Variants in DENND5A observed in about 807,000 individuals in gnomAD.
DENND5A encodes the protein DENN domain containing 5A, also known as DENN domain-containing protein 5A.
A neutral mutation model predicts 140.3 loss-of-function variants in DENND5A; 64 were observed. The observed-to-expected ratio is 0.46, with a 90% CI of 0.37 to 0.56. DENND5A has a LOEUF of 0.56. Ranked by LOEUF, DENND5A falls within the 20% of genes least tolerant of loss-of-function variation. DENND5A has a pLI of 0.00. For synonymous variants in DENND5A, 605 were observed against 607.7 expected, an observed-to-expected ratio of 1.00 and a Z score of 0.07; for missense variants, 1,292 against 1,593.8, an observed-to-expected ratio of 0.81 and a Z score of 3.22.
chr11:9,143,597 T>TG (rs1847322436), intron 19 of DENND5A, 112 bp from the exon 20 acceptor site: 3 of 879,298 alleles, frequency 3.4e-6, no homozygotes, highest in Non-Finnish European at 5.7e-6. Flanking sequence ...GCAGGGCAGC[T>TG]GGACCCTAGG....
chr11:9,148,250 G>C (rs945825808), intron 15 of DENND5A, among the ~76,000 whole-genome samples: 9 of 152,030 alleles, frequency 5.9e-5, no homozygotes, highest in African/African-American at 2.2e-4. Flanking sequence ...AGACAGGTTT[G>C]GAAACCAGTT....
At chr11:9,244,146 C>T (rs868766385) in intron 1 of DENND5A, among the ~76,000 whole-genome samples, 2 of 152,232 alleles carry the variant, frequency 1.3e-5, no homozygotes, top group East Asian at 3.9e-4. Flanking sequence ...TGTATTTGGA[C>T]ATACAGAACC....
chr11:9,179,206 A>G (rs1219990278), intron 6 of DENND5A, 133 bp from the exon 7 acceptor site: 1 of 744,672 alleles, frequency 1.3e-6, no homozygotes, highest in Admixed American at 2.9e-5. Context: ...TGAGAACAAA[A>G]GAGGAAAAAC....
chr11:9,163,073 T>C (rs1848045075), intron 11 of DENND5A, among the ~76,000 whole-genome samples: 1 of 152,148 alleles, frequency 6.6e-6, no homozygotes. Flanking sequence ...CTGTTATCCA[T>C]TTCCATTGTT....
chr11:9,246,127 C>T (rs1238921440), intron 1 of DENND5A, among the ~76,000 whole-genome samples: 1 of 152,160 alleles, frequency 6.6e-6, no homozygotes. Flanking sequence ...AGCGCCCTAG[C>T]TAGCCCTAGA....
At chr11:9,254,986 G>A (rs1206877903) in intron 1 of DENND5A, among the ~76,000 whole-genome samples, 3 of 151,974 alleles carry the variant, frequency 2.0e-5, no homozygotes, top group East Asian at 1.9e-4. Context: ...CATGAGAATC[G>A]CTTGAACCCA....
intron 22 of DENND5A, chr11:9,140,189 C>T: frequency 7.4e-7 from 1 of 1,360,376 alleles, no homozygotes; most frequent in Non-Finnish European, 9.7e-7. Flanking sequence ...AAGCACTAAC[C>T]TCACATAACA....
intron 2 of DENND5A, 61 bp downstream of exon 2, chr11:9,207,500 A>C: frequency 7.9e-7 from 1 of 1,260,814 alleles, no homozygotes; most frequent in Non-Finnish European, 1.2e-6. Flanking sequence ...ATGCCACTGG[A>C]GAGATATATG....
chr11:9,193,953 G>C lies in DENND5A; in HGVS notation c.950-272C>G, dbSNP rs1849229799. Among the ~76,000 whole-genome samples the C allele has an allele frequency of 2.6e-5, 4 of 152,088 alleles. No individual in the cohort carries two copies. The South Asian group carries it at 6.2e-4, about 24-fold the overall frequency. On this transcript the variant is annotated intron_variant, in intron 4 of 22. Transcript: ENST00000328194. ...TGGAAATACAACAAAAATAATTAAT[G>C]ACATCTTGCTCCAAATACTACCACA...
chr11:9,143,226 A>G (rs1847307822), intron 20 of DENND5A, 177 bp downstream of exon 20: 1 of 683,438 alleles, frequency 1.5e-6, no homozygotes, highest in African/African-American at 1.8e-5. Context: ...ACCTGAGGCA[A>G]AGGCCCCCAG....
intron 5 of DENND5A, among the ~76,000 whole-genome samples, chr11:9,188,088 T>C (rs981564192): frequency 2.6e-5 from 4 of 152,190 alleles, no homozygotes; most frequent in African/African-American, 9.7e-5. Flanking sequence ...TCTTAAATTC[T>C]CACGTGTTGT....
chr11:9,163,533 AG>A (rs1429631641), intron 11 of DENND5A, among the ~76,000 whole-genome samples: 2 of 152,132 alleles, frequency 1.3e-5, no homozygotes. Context: ...CCAGTTGTGC[AG>A]TGCCTCAAAC....
chr11:9,249,572 G>A (rs796325744), intron 1 of DENND5A, among the ~76,000 whole-genome samples: 14 of 152,096 alleles, frequency 9.2e-5, no homozygotes, highest in African/African-American at 3.4e-4. Context: ...TTTTGAGACA[G>A]AGTTTCGCTC....
intron 8 of DENND5A, among the ~76,000 whole-genome samples, chr11:9,173,128 G>A (rs1415251580): frequency 6.6e-6 from 1 of 151,850 alleles, no homozygotes; most frequent in Non-Finnish European, 1.5e-5. Flanking sequence ...GCCTGGCCTG[G>A]AGCAACATCT....
At chr11:9,238,908 T>C (rs935587219) in intron 1 of DENND5A, among the ~76,000 whole-genome samples, 3 of 151,702 alleles carry the variant, frequency 2.0e-5, no homozygotes, top group Non-Finnish European at 4.4e-5. Flanking sequence ...CTCGGCTCAT[T>C]GCAATTTCCG....
intron 4 of DENND5A, among the ~76,000 whole-genome samples, chr11:9,194,380 C>T (rs1849245845): frequency 6.6e-6 from 1 of 152,072 alleles, no homozygotes. Flanking sequence ...GACTGGCCAA[C>T]CAACATGGTG....
rs778155259 is a variant in DENND5A at position 9,144,161 on chromosome 11, C to T, written c.3240G>A (p.Pro1080=). ...PEVDERPCRT[P]PLQQSPSVIR... is the part of the protein sequence containing the mutation. ...TGACACTGGGGGACTGCTGCAGCGG[C>T]GGGGTCCGGCATGGCCTCTCATCCA... Residue 1080 remains proline (P), a synonymous_variant, in exon 19 of 23, where the codon CCG becomes CCA. Transcript: ENST00000328194. The T allele has an allele frequency of 1.3e-5, 21 of 1,614,004 alleles. No homozygotes were observed. Among genetic ancestry groups the T allele is most frequent in the South Asian group, 2.2e-5 (2 of 91,088 alleles).
At chr11:9,220,215 T>C (rs559967513) in intron 1 of DENND5A, among the ~76,000 whole-genome samples, 16 of 152,318 alleles carry the variant, frequency 1.1e-4, no homozygotes, top group Middle Eastern at 3.4e-3. Flanking sequence ...TTCTTATAAA[T>C]TGCAAAAAAT....
At position 9,181,043 on chromosome 11, in the gene DENND5A, C is replaced by T; in HGVS notation, c.1179G>A (p.Glu393=). The T allele has an allele frequency of 6.2e-7, 1 of 1,614,134 alleles. No homozygotes were observed. Among genetic ancestry groups the T allele is most frequent in the South Asian group, 1.1e-5 (1 of 91,080 alleles). ...GGAACTGTGGCAAGTCCTCTGGCAA[C>T]TCAATGAAGTGGTTGTCAATGTCCA... ...CFVDIDNHFI[E]LPEDLPQFPN... is the part of the protein sequence containing the mutation. Residue 393 remains glutamate, a synonymous_variant, in exon 6 of 23, where the codon GAG becomes GAA. Coordinates refer to ENST00000328194, the MANE Select transcript of DENND5A (RefSeq NM_015213.4).
Sources: allele counts gnomAD v4.1 joint callset (sites outside exome capture counted in the v4.1 genomes callset), GRCh38; gene constraint gnomAD v4.1.1; transcripts MANE v1.5; gene names NCBI Gene and HGNC (gene_info 2026-07-23, HGNC 2026-07-21).